ADGRG5: variants seen among roughly 807,000 people sequenced by gnomAD.
The protein encoded by ADGRG5 is G protein-coupled receptor 114.
A neutral mutation model predicts 53.2 loss-of-function variants in ADGRG5; 37 were observed. The ratio of observed to expected loss-of-function variants is 0.70; its 90% CI spans 0.53 to 0.91. The LOEUF (loss-of-function observed/expected upper bound fraction) is 0.91, where lower values mean the gene tolerates loss of function less well. Ranked by LOEUF, ADGRG5 falls within the 40% of genes least tolerant of loss-of-function variation. The pLI is 0.00. For synonymous variants in ADGRG5, 277 were observed against 290.4 expected, an observed-to-expected ratio of 0.95 and a Z score of 0.47; for missense variants, 614 against 675.8, an observed-to-expected ratio of 0.91 and a Z score of 1.01.
At chr16:57,532,195 T>C in the ADGRG5 span, among the ~76,000 whole-genome samples, 1 of 152,180 alleles carries the variant, frequency 6.6e-6, no homozygotes, top group South Asian at 2.1e-4. Flanking sequence ...GAGAGAGTCA[T>C]GTTTGCTAGG....
intron 7 of ADGRG5, 111 bp from the exon 8 acceptor site, chr16:57,567,359 G>T: frequency 7.9e-7 from 1 of 1,266,214 alleles, no homozygotes; most frequent in South Asian, 1.4e-5. Flanking sequence ...CCATGGCTAG[G>T]CTTGTGGGGA....
chr16:57,564,212 C>T (rs1290378028), intron 5 of ADGRG5, among the ~76,000 whole-genome samples: 3 of 152,222 alleles, frequency 2.0e-5, no homozygotes, highest in African/African-American at 4.8e-5. Context: ...AAGAAACCTA[C>T]GATGTGCCTG....
chr16:57,554,656 G>A (rs1440591547), intron 1 of ADGRG5, among the ~76,000 whole-genome samples: 1 of 152,128 alleles, frequency 6.6e-6, no homozygotes, highest in Non-Finnish European at 1.5e-5. Context: ...GATTACAGGT[G>A]TGAGCCACCA....
At chr16:57,566,310 G>C (rs955892007) in intron 6 of ADGRG5, 1 of 316,096 alleles carries the variant, frequency 3.2e-6, no homozygotes, top group Non-Finnish European at 5.8e-6. Flanking sequence ...TCAAGATTCC[G>C]TGTTGCCCTT....
intron 5 of ADGRG5, among the ~76,000 whole-genome samples, chr16:57,564,766 G>A (rs926124019): frequency 1.3e-5 from 2 of 152,158 alleles, no homozygotes; most frequent in Non-Finnish European, 2.9e-5. Flanking sequence ...GAGGATAGTG[G>A]TGAGGTGGAG....
chr16:57,554,099 G>A (rs1220705650), intron 1 of ADGRG5, among the ~76,000 whole-genome samples: 1 of 152,018 alleles, frequency 6.6e-6, no homozygotes, highest in East Asian at 1.9e-4. Context: ...TTGGTAGTTT[G>A]TGTATTTCAA....
Position 57,575,045 on chromosome 16 carries a change from TC to T in ADGRG5, c.1441del (p.Leu481CysfsTer11). 1 of 1,613,980 alleles carries T rather than the reference TC, an allele frequency of 6.2e-7. No individual in the cohort carries two copies. Among genetic ancestry groups the T allele is most frequent in the Non-Finnish European group, 8.5e-7 (1 of 1,180,000 alleles). On this transcript the variant is annotated frameshift_variant, in exon 11 of 12. Transcript: ENST00000349457. LOFTEE classifies it high-confidence loss of function. ...TTGGCCTTCTTTTCTTTTGGCGTCT[TC>T]CTGCTGCCCCAGCTGTTCCTCTTCA... is the stretch of plus-strand genomic sequence containing the variant. The part of the protein sequence containing the change: ...WALAFFSFGV[F>X]LLPQLFLFTI...
Position 57,566,769 on chromosome 16 carries a change from G to T in ADGRG5, c.699+18G>T. 6.9e-7 allele frequency: 1 copy of T among 1,443,840 alleles called. No homozygotes were observed. 89.4% of individuals were successfully genotyped at this position (1,443,840 alleles called of 1,614,324 possible). On this transcript the variant is annotated intron_variant, in intron 7 of 11. Coordinates refer to ENST00000349457, the MANE Select transcript of ADGRG5 (RefSeq NM_001304376.3). ...TTCTCATGGTATGTATGCATCCTGA[G>T]TGGGGCTCAGAGCTACAGAGGGCCC...
At chr16:57,572,616 C>T (rs774969720) in intron 10 of ADGRG5, among the ~76,000 whole-genome samples, 35 of 152,144 alleles carry the variant, frequency 2.3e-4, no homozygotes, top group Admixed American at 7.2e-4. Context: ...CGCTTGAACC[C>T]GGGAGGTGGA....
intron 1 of ADGRG5, among the ~76,000 whole-genome samples, chr16:57,543,562 C>T (rs1339989449): frequency 2.6e-5 from 4 of 152,170 alleles, no homozygotes; most frequent in South Asian, 2.1e-4. Flanking sequence ...GGATTACAGG[C>T]GTGAGCCACC....
chr16:57,556,706 A>C (rs2032889870), intron 1 of ADGRG5, among the ~76,000 whole-genome samples: 1 of 152,134 alleles, frequency 6.6e-6, no homozygotes, highest in Non-Finnish European at 1.5e-5. Context: ...CAGATATTAA[A>C]ACCAAGGTAA....
At chr16:57,560,496 T>C (rs2032975202) in intron 1 of ADGRG5, among the ~76,000 whole-genome samples, 1 of 152,238 alleles carries the variant, frequency 6.6e-6, no homozygotes, top group African/African-American at 2.4e-5. Flanking sequence ...GATACTATTC[T>C]TGGAATGGTT....
chr16:57,534,385 C>G, the ADGRG5 span, among the ~76,000 whole-genome samples: 2 of 152,188 alleles, frequency 1.3e-5, no homozygotes. Flanking sequence ...GCAGGCTAGG[C>G]CCTCATCAGC....
chr16:57,568,246 T>A, intron 9 of ADGRG5, 122 bp downstream of exon 9: 1 of 971,830 alleles, frequency 1.0e-6, no homozygotes, highest in Non-Finnish European at 1.6e-6. Flanking sequence ...CCACCAGCTG[T>A]GAACTCTGTC....
chr16:57,530,535 G>T, the ADGRG5 span, among the ~76,000 whole-genome samples: 1 of 152,084 alleles, frequency 6.6e-6, no homozygotes, highest in Non-Finnish European at 1.5e-5. Flanking sequence ...AGCCCTCTAT[G>T]TCCCCTCTCC....
At chr16:57,575,401 C>T (rs745969034) in intron 11 of ADGRG5, 37 bp from the exon 12 acceptor site, 3 of 1,579,662 alleles carry the variant, frequency 1.9e-6, no homozygotes, top group Non-Finnish European at 2.6e-6. Flanking sequence ...TGGGGAAGCC[C>T]ATGCTGCCCC....
intron 1 of ADGRG5, among the ~76,000 whole-genome samples, chr16:57,555,162 C>CT (rs1464154415): frequency 6.6e-6 from 1 of 152,098 alleles, no homozygotes; most frequent in Admixed American, 6.5e-5. Flanking sequence ...GGAGAGTGTT[C>CT]TATAAATATA....
chr16:57,565,558 T>C, intron 6 of ADGRG5: 1 of 287,512 alleles, frequency 3.5e-6, no homozygotes, highest in Non-Finnish European at 6.4e-6. Flanking sequence ...CCAGACTTCC[T>C]TTCCCTCTTC....
In ADGRG5 at chr16:57,563,259, C is replaced by T. The variant is rs754993521; in HGVS notation, c.297+12C>T. 21 of 1,611,822 alleles carry T rather than the reference C, an allele frequency of 1.3e-5. No individual in the cohort carries two copies. Among genetic ancestry groups the T allele is most frequent in the South Asian group, 5.5e-5 (5 of 91,080 alleles). Reference sequence around the variant, plus strand: ...AGCGGGTGCCCCAGGTCAGAGGCTGCGGGTTGGGGGGTGTGGCCAGCTGCC... The same window carrying T: ...AGCGGGTGCCCCAGGTCAGAGGCTGTGGGTTGGGGGGTGTGGCCAGCTGCC... On this transcript the variant is annotated intron_variant, in intron 4 of 11. Transcript: ENST00000349457.
Sources: allele counts gnomAD v4.1 joint callset (sites outside exome capture counted in the v4.1 genomes callset), GRCh38; gene constraint gnomAD v4.1.1; transcripts MANE v1.5; gene names NCBI Gene and HGNC (gene_info 2026-07-23, HGNC 2026-07-21).